The following CFAP298 variants were observed in gnomAD, a reference collection of about 807,000 sequenced individuals.
The protein encoded by CFAP298 is cilia- and flagella-associated protein 298.
CFAP298 carries 38 observed loss-of-function variants against 41.0 expected under a neutral mutation model. The ratio of observed to expected loss-of-function variants is 0.93; its 90% confidence interval spans 0.72 to 1.22. The LOEUF (loss-of-function observed/expected upper bound fraction) is 1.22. Ranked by LOEUF, CFAP298 falls within the 50% of genes most tolerant of loss-of-function variation. The pLI, the probability that CFAP298 is intolerant of heterozygous loss-of-function variation, is 0.00. For synonymous variants in CFAP298, 137 were observed against 135.3 expected (o/e 1.01, Z -0.09); for missense variants, 348 against 360.3 (o/e 0.97, Z 0.28).
rs878855068 is a variant in CFAP298, at chr21:32,609,895, C to T, written c.250G>A (p.Val84Ile). 36 of 1,614,174 alleles carry T rather than the reference C, an allele frequency of 2.2e-5. No homozygotes were observed. The highest frequency in any genetic ancestry group is 2.9e-5 in the Non-Finnish European group (34 of 1,180,004). The change falls in exon 2 of 7, where the codon GTA becomes ATA. Residue 84 changes from valine (V) to isoleucine (I), a missense_variant. Transcript: ENST00000290155. Reference protein sequence around the residue: ...KLKDEWGEKCVPSGGAVFKKD... With the variant: ...KLKDEWGEKCIPSGGAVFKKD... The stretch of plus-strand genomic sequence containing the variant: ...TTAAACACTGCACCTCCGCTGGGTA[C>T]GCATTTTTCACCCCATTCATCCTTC...
Position 32,610,005 on chromosome 21 carries a change from T to C in CFAP298, c.140A>G (p.Glu47Gly), listed in dbSNP as rs2038955084. ...GCCATGTTCGGCTAATTCTTCCATT[T>C]CTTAAAAATAAGTGAAAGACAGTAT... ...GRLKVQRLCS[E>G]MEELAEHGIF... Residue 47 changes from glutamate to glycine, a missense_variant and splice_region_variant, in exon 2 of 7, where the codon GAA becomes GGA. By Grantham distance (98) the Glu-to-Gly change is moderately conservative. Coordinates refer to ENST00000290155, the MANE Select transcript of CFAP298 (RefSeq NM_021254.4). 1 of 1,612,372 alleles carries C rather than the reference T, an allele frequency of 6.2e-7. No individual in the cohort carries two copies. The highest frequency in any genetic ancestry group is 8.5e-7 in the Non-Finnish European group (1 of 1,179,138).
rs1568989626 is a variant in CFAP298, at chr21:32,601,006, T to G, written c.*857A>C. ...TTCACCTTCAAGGCCAGGCAACGCC[T>G]GGCTACAGTTAGACCCCGCAGCAGG... On this transcript the variant is annotated 3_prime_UTR_variant, in exon 7 of 7. Coordinates refer to ENST00000290155, the MANE Select transcript of CFAP298 (RefSeq NM_021254.4). Among the ~76,000 whole-genome samples, 1 of 152,014 alleles carries G rather than the reference T, an allele frequency of 6.6e-6. No homozygotes were observed. The highest frequency in any genetic ancestry group is 2.4e-5 in the African/African-American group (1 of 41,362).
At chr21:32,604,638 C>A in intron 3 of CFAP298, 1 of 242,374 alleles carries the variant, frequency 4.1e-6, no homozygotes, top group South Asian at 6.0e-5. Flanking sequence ...TGAAAAGGTA[C>A]AGATGGCAGC....
chr21:32,608,007 A>G (rs1360802773), intron 2 of CFAP298, among the ~76,000 whole-genome samples: 1 of 152,198 alleles, frequency 6.6e-6, no homozygotes, highest in Non-Finnish European at 1.5e-5. Context: ...AAAGGGCCAG[A>G]GAGTAAAATT....
At position 32,604,196 on chromosome 21, in the gene CFAP298, G is replaced by A; in HGVS notation, c.463C>T (p.Pro155Ser). ...GGATCATACGGTGGCAACCCCATGG[G>A]GTAAACAATCATCACCGCGCCTCGA... is the stretch of plus-strand genomic sequence containing the variant. ...QLRGAVMIVY[P>S]MGLPPYDPIR... The change falls in exon 4 of 7, where the codon CCC (proline) becomes TCC (serine). Residue 155 changes from proline to serine, a missense_variant. Transcript: ENST00000290155. 1 of 1,614,020 alleles carries A rather than the reference G, an allele frequency of 6.2e-7. No individual in the cohort carries two copies.
rs746490682 is a variant in CFAP298, at chr21:32,603,260, C to T, written c.567G>A (p.Ala189=). 11 of 1,614,046 alleles carry T rather than the reference C, an allele frequency of 6.8e-6. 1 individual carries two copies. The highest frequency in any genetic ancestry group is 3.3e-4 in the Middle Eastern group (2 of 6,084). Residue 189 remains alanine, a synonymous_variant, in exon 5 of 7, where the codon GCG becomes GCA. Coordinates refer to ENST00000290155, the MANE Select transcript of CFAP298 (RefSeq NM_021254.4). ...GCTCCTTGGCTGCCCACCACAGCTG[C>T]GCCTCTGCCTCTTTAATGACGTTGA... ...AGLNVIKEAE[A]QLWWAAKELR...
rs148839701 is a variant in CFAP298, at chr21:32,604,179, C to T, written c.480G>A (p.Pro160=). Residue 160 remains proline (P), a synonymous_variant, in exon 4 of 7, where the codon CCG becomes CCA. Transcript: ENST00000290155. ...VMIVYPMGLP[P]YDPIRMEFEN... ...CAAACTCCATGCGGATGGGATCATA[C>T]GGTGGCAACCCCATGGGGTAAACAA... 112 of 1,614,126 alleles carry T rather than the reference C, an allele frequency of 6.9e-5. No individual in the cohort carries two copies. The East Asian group carries it at 2.1e-3, about 30-fold the overall frequency.
At chr21:32,608,341 G>A (rs559630535) in intron 2 of CFAP298, among the ~76,000 whole-genome samples, 1 of 151,342 alleles carries the variant, frequency 6.6e-6, no homozygotes, top group East Asian at 1.9e-4. Context: ...GAAAATATTA[G>A]AAACACAAGA....
intron 2 of CFAP298, among the ~76,000 whole-genome samples, chr21:32,608,075 GCA>G (rs527687815): frequency 5.0e-4 from 76 of 152,256 alleles, no homozygotes; most frequent in African/African-American, 1.7e-3. Flanking sequence ...CTGCCACGTA[GCA>G]CAAGAGCAGA....
At chr21:32,602,789 C>T (rs931035124) in intron 5 of CFAP298, 7 of 1,344,796 alleles carry the variant, frequency 5.2e-6, no homozygotes, top group East Asian at 6.3e-5. Context: ...TCAAAGGTCT[C>T]GAACCTTTCC....
intron 1 of CFAP298, 122 bp downstream of exon 1, chr21:32,611,983 G>A (rs2039010234): frequency 2.5e-6 from 3 of 1,189,052 alleles, no homozygotes; most frequent in South Asian, 2.0e-5. Flanking sequence ...TTTCAACCCC[G>A]GCTGCTGCAA....
rs771106055 is a variant in CFAP298, at chr21:32,607,671, T to C, written c.353A>G (p.Glu118Gly). 1 of 1,595,382 alleles carries C rather than the reference T, an allele frequency of 6.3e-7. No individual in the cohort carries two copies. Among genetic ancestry groups the C allele is most frequent in the Admixed American group, 1.7e-5 (1 of 58,372 alleles). The change falls in exon 3 of 7, where the codon GAA (glutamate) becomes GGA (glycine). Residue 118 changes from glutamate to glycine, a missense_variant. By Grantham distance (98) the Glu-to-Gly change is moderately conservative. Coordinates refer to ENST00000290155, the MANE Select transcript of CFAP298 (RefSeq NM_021254.4). ...AACCTTAGATATTATTGCTTTGGCTTCTTCTATAGTCTTCTTTAACACTTG... is the reference window on the plus strand; with the variant it reads ...AACCTTAGATATTATTGCTTTGGCTCCTTCTATAGTCTTCTTTAACACTTG... Reference protein sequence around the residue: ...MKQVLKKTIEEAKAIISKKQV... With the variant: ...MKQVLKKTIEGAKAIISKKQV...
chr21:32,602,904 T>C, intron 5 of CFAP298: 1 of 1,280,052 alleles, frequency 7.8e-7, no homozygotes. Context: ...TGCAGCCCTA[T>C]TTTTACGCTT....
intron 3 of CFAP298, 101 bp from the exon 4 acceptor site, chr21:32,604,384 C>T (rs960371923): frequency 7.4e-7 from 1 of 1,350,690 alleles, no homozygotes; most frequent in African/African-American, 1.4e-5. Flanking sequence ...GCCAGAGCAA[C>T]AAAAAGAAAT....
In CFAP298 at chr21:32,601,706, G is replaced by T; in HGVS notation, c.*157C>A. The T allele has an allele frequency of 1.8e-6, 1 of 564,828 alleles. No individual in the cohort carries two copies. Among genetic ancestry groups the T allele is most frequent in the Non-Finnish European group, 3.1e-6 (1 of 317,792 alleles). 35.0% of individuals were successfully genotyped at this position (564,828 alleles called of 1,614,324 possible). ...GGTATTTATTAAGTTCTAAAACCTT[G>T]AATAACTGCTATTTTAAAAATTCAC... On this transcript the variant is annotated 3_prime_UTR_variant, in exon 7 of 7. Coordinates refer to ENST00000290155, the MANE Select transcript of CFAP298 (RefSeq NM_021254.4).
In CFAP298 at chr21:32,607,647, A is replaced by T; in HGVS notation, c.375+2T>A. 6.4e-7 allele frequency: 1 copy of T among 1,556,564 alleles called. No individual in the cohort carries two copies. Among genetic ancestry groups the T allele is most frequent in the Non-Finnish European group, 8.7e-7 (1 of 1,143,634 alleles). On this transcript the variant is annotated splice_donor_variant, in intron 3 of 6. Coordinates refer to ENST00000290155, the MANE Select transcript of CFAP298 (RefSeq NM_021254.4). LOFTEE classifies it high-confidence loss of function. ...TTTAGTGCATCATTTAAAAAAGCCA[A>T]CCTTAGATATTATTGCTTTGGCTTC... is the stretch of plus-strand genomic sequence containing the variant.
chr21:32,610,065 A>T (rs1183378657), intron 1 of CFAP298, 60 bp from the exon 2 acceptor site: 1 of 1,455,702 alleles, frequency 6.9e-7, no homozygotes, highest in African/African-American at 1.4e-5. Flanking sequence ...ATTGGAATGT[A>T]AGCTCCAAAG....
rs1783063 is a variant in CFAP298, at chr21:32,599,665, C to T, written c.*2198G>A. On this transcript the variant is annotated 3_prime_UTR_variant, in exon 7 of 7. Transcript: ENST00000290155. ...GACCCTGTGGTCCTACCACCACTAG[C>T]TACCTGTGACCTTGGGTGAGTCAGC... Among the ~76,000 whole-genome samples, 15,124 of 152,254 alleles carry T rather than the reference C, an allele frequency of 0.099. 905 individuals carry two copies. Among genetic ancestry groups the T allele is most frequent in the African/African-American group, 0.16 (6,734 of 41,510 alleles).
chr21:32,605,611 G>A (rs1363855840), intron 3 of CFAP298, among the ~76,000 whole-genome samples: 1 of 152,204 alleles, frequency 6.6e-6, no homozygotes, highest in Non-Finnish European at 1.5e-5. Context: ...CTTCCTGATT[G>A]GTGAAGACGT....
Sources: allele counts gnomAD v4.1 joint callset (sites outside exome capture counted in the v4.1 genomes callset), GRCh38; gene constraint gnomAD v4.1.1; transcripts MANE v1.5; gene names NCBI Gene and HGNC (gene_info 2026-07-23, HGNC 2026-07-21).